The following TTC6 variants were observed in gnomAD, a reference collection of about 807,000 sequenced individuals.
TTC6 encodes tetratricopeptide repeat protein 6.
TTC6 carries 172 observed loss-of-function variants against 210.4 expected under a neutral mutation model. The observed-to-expected ratio is 0.82, with a 90% confidence interval of 0.72 to 0.93. The LOEUF is 0.93. Among genes scored for constraint, TTC6 ranks in the 40% least tolerant of loss-of-function variants. The pLI is 0.00. For synonymous variants in TTC6, 804 were observed against 819.6 expected (o/e 0.98, Z 0.32); for missense variants, 2,414 against 2,318.1 (o/e 1.04, Z -0.85).
At chr14:37,747,937 A>G (rs1404943580) in intron 10 of TTC6, among the ~76,000 whole-genome samples, 3 of 152,164 alleles carry the variant, frequency 2.0e-5, no homozygotes, top group African/African-American at 7.2e-5. Flanking sequence ...TGGAATATTT[A>G]TGCTGGCACT....
In TTC6 at chr14:37,759,648, G is replaced by C. The variant is rs139281036; in HGVS notation, c.3266+6413G>C. Among the ~76,000 whole-genome samples, 116 of 152,272 alleles carry C rather than the reference G, an allele frequency of 7.6e-4. 1 individual carries two copies. In the Middle Eastern group the frequency reaches 0.01, roughly 13 times the overall value. On this transcript the variant is annotated intron_variant, in intron 14 of 30. Transcript: ENST00000553443. ...CTTCCAGGTATACCAATCAATCGTA[G>C]GTTTGGTCTTTTCACATAGTCCCAT...
chr14:37,651,420 TATA>T (rs1486918950), intron 1 of TTC6, among the ~76,000 whole-genome samples: 69 of 22,982 alleles, frequency 3.0e-3, no homozygotes, highest in Non-Finnish European at 4.0e-3. Context: ...TATATATATA[TATA>T]TATTTTTTTT....
chr14:37,829,163 G>T (rs1301165753), intron 29 of TTC6, among the ~76,000 whole-genome samples: 1 of 151,618 alleles, frequency 6.6e-6, no homozygotes, highest in African/African-American at 2.4e-5. Flanking sequence ...AAAATCCTTT[G>T]TTTTTGGTAT....
chr14:37,727,844 AT>A (rs2095876767), intron 7 of TTC6, among the ~76,000 whole-genome samples: 1 of 142,828 alleles, frequency 7.0e-6, no homozygotes, highest in Non-Finnish European at 1.6e-5. Context: ...CTTAATCCTT[AT>A]TAGCGTAAAA....
At chr14:37,811,050 G>A (rs1281612712) in intron 24 of TTC6, among the ~76,000 whole-genome samples, 1 of 152,152 alleles carries the variant, frequency 6.6e-6, no homozygotes, top group Non-Finnish European at 1.5e-5. Flanking sequence ...CAGAGGCATG[G>A]CACAAATCCA....
At chr14:37,799,202 T>TTTTAAGAC (rs1250197442) in intron 20 of TTC6, among the ~76,000 whole-genome samples, 1 of 152,188 alleles carries the variant, frequency 6.6e-6, no homozygotes, top group African/African-American at 2.4e-5. Flanking sequence ...ATTATTCCTA[T>TTTTAAGAC]TTTTTCTCCC....
rs764311409 is a variant in TTC6, at chr14:37,823,932, GA to G, written c.4951del (p.Ile1651LeufsTer24). On this transcript the variant is annotated frameshift_variant, in exon 27 of 31. Coordinates refer to ENST00000553443, the Ensembl canonical transcript of TTC6. LOFTEE classifies it high-confidence loss of function. ...ATTAATCCAGCATACATAAAAGCCA[GA>G]ATTAGTTTTGGCTATAATTTGCAGG... 2 of 1,613,818 alleles carry G rather than the reference GA, an allele frequency of 1.2e-6. No homozygotes were observed. Among genetic ancestry groups the G allele is most frequent in the Non-Finnish European group, 1.7e-6 (2 of 1,179,882 alleles).
At chr14:37,826,568 C>T (rs2096172298) in intron 28 of TTC6, among the ~76,000 whole-genome samples, 1 of 151,990 alleles carries the variant, frequency 6.6e-6, no homozygotes. Context: ...AAATGTTGAT[C>T]ACTTTCAGTA....
upstream of TTC6, among the ~76,000 whole-genome samples, chr14:37,617,578 CTG>C (rs1318300282): frequency 6.6e-6 from 1 of 152,092 alleles, no homozygotes; most frequent in African/African-American, 2.4e-5. Context: ...AAAAAAATCA[CTG>C]TTTTCCCATT....
intron 5 of TTC6, among the ~76,000 whole-genome samples, chr14:37,706,002 C>A (rs1238674130): frequency 6.6e-6 from 1 of 152,028 alleles, no homozygotes; most frequent in African/African-American, 2.4e-5. Flanking sequence ...ATGCTGTGGG[C>A]AATTGGAATC....
chr14:37,726,639 A>G (rs1047159797), intron 7 of TTC6, among the ~76,000 whole-genome samples: 4 of 151,920 alleles, frequency 2.6e-5, no homozygotes, highest in Non-Finnish European at 4.4e-5. Context: ...GCATTTCATC[A>G]TTTTTAATAT....
chr14:37,784,904 A>G (rs1243317410), intron 14 of TTC6, among the ~76,000 whole-genome samples: 1 of 152,198 alleles, frequency 6.6e-6, no homozygotes, highest in African/African-American at 2.4e-5. Flanking sequence ...TGGATATGAA[A>G]TTCTGGGTTG....
intron 6 of TTC6, among the ~76,000 whole-genome samples, chr14:37,722,438 T>C (rs71407720): frequency 0.057 from 8,670 of 152,258 alleles, 381 homozygotes; most frequent in Non-Finnish European, 0.089. Context: ...GAGCAGACCT[T>C]CAGGGCTCGA....
chr14:37,643,355 C>CA (rs1161082449), intron 1 of TTC6, among the ~76,000 whole-genome samples: 2 of 151,934 alleles, frequency 1.3e-5, no homozygotes, highest in Admixed American at 6.6e-5. Context: ...CAAAAACAAA[C>CA]AAAAAAGAAT....
intron 1 of TTC6, among the ~76,000 whole-genome samples, chr14:37,663,790 G>T (rs2095742300): frequency 6.6e-6 from 1 of 152,040 alleles, no homozygotes; most frequent in Non-Finnish European, 1.5e-5. Context: ...ACATTGATAA[G>T]CAACTTCAGC....
intron 29 of TTC6, among the ~76,000 whole-genome samples, chr14:37,836,185 TG>T (rs2096197480): frequency 6.6e-6 from 1 of 152,198 alleles, no homozygotes. Flanking sequence ...TGAATAGAAA[TG>T]TCAGAGTCAA....
intron 24 of TTC6, 24 bp from the exon 27 acceptor site, chr14:37,812,290 T>A: frequency 1.2e-6 from 2 of 1,605,202 alleles, no homozygotes; most frequent in Non-Finnish European, 1.7e-6. Context: ...AAGTTGAATC[T>A]ATGTTACAAA....
chr14:37,654,218 T>C (rs1044605342), intron 1 of TTC6, among the ~76,000 whole-genome samples: 1 of 152,158 alleles, frequency 6.6e-6, no homozygotes, highest in African/African-American at 2.4e-5. Flanking sequence ...TGGTACTGTC[T>C]TTGAGATAGC....
intron 1 of TTC6, among the ~76,000 whole-genome samples, chr14:37,675,762 T>C (rs958257622): frequency 1.3e-5 from 2 of 151,848 alleles, no homozygotes; most frequent in Non-Finnish European, 2.9e-5. Context: ...TTTTTTTTTT[T>C]TTATAGCCAT....
Sources: allele counts gnomAD v4.1 joint callset (sites outside exome capture counted in the v4.1 genomes callset), GRCh38; gene constraint gnomAD v4.1.1; transcripts MANE v1.5; gene names NCBI Gene and HGNC (gene_info 2026-07-23, HGNC 2026-07-21).